Variants in SYNE3 observed in about 807,000 individuals in gnomAD.
The protein encoded by SYNE3 is nesprin-3.
Under a neutral mutation model 111.2 loss-of-function variants are expected in SYNE3, and 100 were observed. The observed-to-expected ratio is 0.90, with a 90% CI of 0.77 to 1.06. The LOEUF is 1.06. Ranked by LOEUF, SYNE3 falls within the 50% of genes least tolerant of loss-of-function variation. The pLI, the probability that SYNE3 is intolerant of heterozygous loss-of-function variation, is 0.00. For synonymous variants in SYNE3, 547 were observed against 533.9 expected, an observed-to-expected ratio of 1.02 and a Z score of -0.34; for missense variants, 1,160 against 1,240.3, an observed-to-expected ratio of 0.94 and a Z score of 0.97.
intron 17 of SYNE3, among the ~76,000 whole-genome samples, chr14:95,428,781 C>G (rs1187750): frequency 0.77 from 116,438 of 152,200 alleles, 45,022 homozygotes; most frequent in Non-Finnish European, 0.82. Flanking sequence ...TGGCAAGTGC[C>G]TAGGCAGCTG....
intron 8 of SYNE3, among the ~76,000 whole-genome samples, chr14:95,446,345 C>G (rs1257478868): frequency 1.3e-5 from 2 of 152,144 alleles, no homozygotes; most frequent in African/African-American, 4.8e-5. Flanking sequence ...TGAGTAATAT[C>G]CACCTCCTAC....
At position 95,475,782 on chromosome 14, in the gene SYNE3, C is replaced by A. The variant is rs1888851660; in HGVS notation, c.40G>T (p.Glu14Ter). The stretch of plus-strand genomic sequence containing the variant: ...GCCTTCATCCATGCCTGGGCATCCT[C>A]CACGCTCCTGTCAAAGTCGTCCTGG... ...QPQDDFDRSV[E>*]DAQAWMKAVQ... Residue 14 changes from glutamate to a stop codon, truncating the protein, a stop_gained, in exon 2 of 18, where the codon GAG becomes TAG. Coordinates refer to ENST00000682763, the MANE Select transcript of SYNE3 (RefSeq NM_152592.6). LOFTEE classifies it high-confidence loss of function. The A allele has an allele frequency of 2.5e-6, 4 of 1,599,734 alleles. No homozygotes were observed. Among genetic ancestry groups the A allele is most frequent in the Non-Finnish European group, 3.4e-6 (4 of 1,174,210 alleles).
intron 2 of SYNE3, among the ~76,000 whole-genome samples, chr14:95,473,019 C>T (rs968936221): frequency 6.6e-6 from 1 of 152,318 alleles, no homozygotes; most frequent in African/African-American, 2.4e-5. Context: ...CCCCAGCACC[C>T]GGGGGCAGGT....
intron 15 of SYNE3, among the ~76,000 whole-genome samples, chr14:95,434,277 C>T (rs1295978263): frequency 1.3e-5 from 2 of 152,034 alleles, no homozygotes; most frequent in Admixed American, 6.6e-5. Flanking sequence ...GAATGAAAAC[C>T]CAGGGCAGTC....
intron 14 of SYNE3, 78 bp downstream of exon 14, chr14:95,438,955 G>A: frequency 6.3e-7 from 1 of 1,577,246 alleles, no homozygotes; most frequent in Non-Finnish European, 8.7e-7. Context: ...ACAGGGAGGG[G>A]CCTGTGCTGG....
At position 95,413,136 on chromosome 14, in the gene SYNE3, T is replaced by C. The variant is rs924409276; in HGVS notation, c.*4690A>G. 4.6e-5 allele frequency: 7 copies of C among 151,952 alleles called. No homozygotes were observed. Among genetic ancestry groups the C allele is most frequent in the African/African-American group, 1.4e-4 (6 of 41,448 alleles). The allele number at this position is 151,952 out of a possible 1,614,324, so 9.4% of individuals were successfully genotyped here. On this transcript the variant is annotated 3_prime_UTR_variant, in exon 18 of 18. Transcript: ENST00000682763. ...ATGAAGGCACAGCCTGCCATTCCCA[T>C]TCTCTTTTTCTCTCTCTCTATCCCT...
intron 11 of SYNE3, among the ~76,000 whole-genome samples, chr14:95,441,290 T>C (rs1595193776): frequency 6.6e-6 from 1 of 152,276 alleles, no homozygotes; most frequent in African/African-American, 2.4e-5. Context: ...GCCTGAGAAG[T>C]TATCTAAAAC....
In SYNE3 at chr14:95,417,616, C is replaced by A; in HGVS notation, c.*210G>T. ...AAAATTCTAGACATTATTCCCTAGT[C>A]ACATGTAGTACACATTTAGTATAAA... is the stretch of plus-strand genomic sequence containing the variant. On this transcript the variant is annotated 3_prime_UTR_variant, in exon 18 of 18. Coordinates refer to ENST00000682763, the MANE Select transcript of SYNE3 (RefSeq NM_152592.6). 1.7e-6 allele frequency: 1 copy of A among 599,626 alleles called. No homozygotes were observed. Among genetic ancestry groups the A allele is most frequent in the Admixed American group, 2.9e-5 (1 of 34,342 alleles). 37.1% of individuals were successfully genotyped at this position (599,626 alleles called of 1,614,324 possible).
intron 1 of SYNE3, among the ~76,000 whole-genome samples, chr14:95,482,006 G>A (rs533648984): frequency 1.5e-3 from 228 of 152,300 alleles, no homozygotes; most frequent in African/African-American, 5.0e-3. Context: ...CCCCTTCCCC[G>A]GCTCTCCAAA....
At chr14:95,436,415 C>G (rs1029329371) in intron 15 of SYNE3, among the ~76,000 whole-genome samples, 1 of 152,160 alleles carries the variant, frequency 6.6e-6, no homozygotes, top group Non-Finnish European at 1.5e-5. Context: ...AGTAGAGACA[C>G]CCAACTGACC....
rs140922169 is a variant in SYNE3, at chr14:95,487,522, T to C, written c.-14-11687A>G. Among the ~76,000 whole-genome samples, 703 of 152,356 alleles carry C rather than the reference T, an allele frequency of 4.6e-3. 9 individuals are homozygous for C. Among genetic ancestry groups the C allele is most frequent in the African/African-American group, 0.016 (666 of 41,584 alleles). On this transcript the variant is annotated intron_variant, in intron 1 of 17. Coordinates refer to ENST00000682763, the MANE Select transcript of SYNE3 (RefSeq NM_152592.6). ...TCTTCCTGACTGATCGGCTGGAGAT[T>C]GGAGCTGCCATTATTTTAAACCACC...
chr14:95,425,100 G>T lies in SYNE3; in HGVS notation c.2727+6979C>A, dbSNP rs148810725. On this transcript the variant is annotated intron_variant, in intron 17 of 17. Coordinates refer to ENST00000682763, the MANE Select transcript of SYNE3 (RefSeq NM_152592.6). ...ACTAAAAATACAAAAAAACAAATTA[G>T]CCTGGTGTGATGGTGGGCACCTGTA... is the stretch of plus-strand genomic sequence containing the variant. 2.0e-3 allele frequency among the ~76,000 whole-genome samples: 306 copies of T among 152,186 alleles called. 1 individual carries two copies. Among genetic ancestry groups the T allele is most frequent in the African/African-American group, 6.6e-3 (273 of 41,502 alleles).
chr14:95,442,034 T>C (rs1327677216), intron 11 of SYNE3, among the ~76,000 whole-genome samples: 1 of 152,210 alleles, frequency 6.6e-6, no homozygotes, highest in African/African-American at 2.4e-5. Context: ...GCTCAGACTG[T>C]CACTCCAATC....
intron 4 of SYNE3, among the ~76,000 whole-genome samples, chr14:95,462,930 C>T (rs45533532): frequency 0.011 from 1,690 of 152,230 alleles, 18 homozygotes; most frequent in Middle Eastern, 0.031. Context: ...GAGGCCAAGG[C>T]GGATCACCTG....
At chr14:95,431,563 G>A (rs537677916) in intron 17 of SYNE3, among the ~76,000 whole-genome samples, 23 of 152,230 alleles carry the variant, frequency 1.5e-4, no homozygotes, top group Admixed American at 6.5e-4. Flanking sequence ...AAAGACCCTG[G>A]GAGTGACTCT....
At chr14:95,495,295 G>T (rs1720446954) in intron 1 of SYNE3, among the ~76,000 whole-genome samples, 1 of 152,178 alleles carries the variant, frequency 6.6e-6, no homozygotes, top group Admixed American at 6.5e-5. Flanking sequence ...AAAATGCCCA[G>T]CCGGGCCCAC....
intron 15 of SYNE3, among the ~76,000 whole-genome samples, chr14:95,436,238 G>A (rs1886078603): frequency 1.3e-5 from 2 of 152,126 alleles, no homozygotes; most frequent in Admixed American, 1.3e-4. Flanking sequence ...GAATGCAGGG[G>A]AATTAATGTT....
intron 1 of SYNE3, among the ~76,000 whole-genome samples, chr14:95,486,749 T>C (rs28660122): frequency 2.3e-3 from 347 of 152,352 alleles, no homozygotes; most frequent in African/African-American, 8.2e-3. Flanking sequence ...TGAACATGTC[T>C]TTCCATTGAA....
chr14:95,457,066 C>T (rs1887489543), intron 5 of SYNE3, 111 bp downstream of exon 5: 26 of 1,394,110 alleles, frequency 1.9e-5, no homozygotes, highest in Non-Finnish European at 2.0e-5. Context: ...GCCTGAGCAA[C>T]AGAGCAAGAC....
Sources: allele counts gnomAD v4.1 joint callset (sites outside exome capture counted in the v4.1 genomes callset), GRCh38; gene constraint gnomAD v4.1.1; transcripts MANE v1.5; gene names NCBI Gene and HGNC (gene_info 2026-07-23, HGNC 2026-07-21).